MYG1: variants seen among roughly 807,000 people sequenced by gnomAD.
The protein encoded by MYG1 is UPF0160 protein MYG1, mitochondrial.
MYG1 carries 36 observed loss-of-function variants against 43.5 expected under a neutral mutation model. That is an observed-to-expected ratio of 0.83 (90% CI 0.63 to 1.09). The LOEUF is 1.09. Among genes scored for constraint, MYG1 ranks in the 50% least tolerant of loss-of-function variants. The pLI is 0.00. For synonymous variants in MYG1, 220 were observed against 202.8 expected (o/e 1.08, Z -0.72); for missense variants, 529 against 495.1 (o/e 1.07, Z -0.65).
intron 3 of MYG1, among the ~76,000 whole-genome samples, chr12:53,304,985 C>T (rs1944261905): frequency 6.6e-6 from 1 of 150,834 alleles, no homozygotes; most frequent in Non-Finnish European, 1.5e-5. Context: ...TGTCCTGCCT[C>T]AGCCTCCCAA....
chr12:53,301,081 G>A lies in MYG1; in HGVS notation c.329+819G>A, dbSNP rs909874723. ...ACTACAGGCACCCACCACCACACCC[G>A]GCTAATTTTTGTATTTTTAGTAGAG... On this transcript the variant is annotated intron_variant, in intron 2 of 6. Coordinates refer to ENST00000267103, the MANE Select transcript of MYG1 (RefSeq NM_021640.4). 1.8e-4 allele frequency among the ~76,000 whole-genome samples: 28 copies of A among 151,772 alleles called. 1 individual carries two copies. The highest frequency in any genetic ancestry group is 1.2e-3 in the East Asian group (6 of 5,180).
chr12:53,303,479 C>T (rs1944246272), intron 3 of MYG1: 1 of 332,952 alleles, frequency 3.0e-6, no homozygotes, highest in African/African-American at 2.1e-5. Context: ...CACACACAAA[C>T]AGCAATTGCT....
intron 2 of MYG1, among the ~76,000 whole-genome samples, 157 bp from the exon 3 acceptor site, chr12:53,302,877 A>T (rs1194702760): frequency 2.6e-5 from 4 of 152,120 alleles, no homozygotes; most frequent in Admixed American, 2.6e-4. Context: ...CCGGCAGATG[A>T]ATCTGAAAGC....
chr12:53,300,110 G>T, intron 1 of MYG1, 40 bp from the exon 2 acceptor site: 1 of 1,551,910 alleles, frequency 6.4e-7, no homozygotes, highest in Non-Finnish European at 8.8e-7. Context: ...CCCCTACCCG[G>T]CGACACCCGG....
intron 3 of MYG1, chr12:53,303,783 A>C (rs969036741): frequency 1.3e-5 from 2 of 152,350 alleles, no homozygotes; most frequent in African/African-American, 4.8e-5. Context: ...TACAAGTCAA[A>C]GCCCAGGTTC....
At chr12:53,300,624 T>C (rs937132019) in intron 2 of MYG1, among the ~76,000 whole-genome samples, 3 of 152,258 alleles carry the variant, frequency 2.0e-5, no homozygotes, top group Admixed American at 6.5e-5. Context: ...ATTGTGGCAG[T>C]TGGTGACAGT....
rs1592509527 is a variant in MYG1, at chr12:53,306,737, C to T, written c.823C>T (p.His275Tyr). The change falls in exon 6 of 7, where the codon CAT (histidine) becomes TAT (tyrosine). Residue 275 changes from histidine to tyrosine, a missense_variant. By Grantham distance (83) the His-to-Tyr change is moderately conservative. Coordinates refer to ENST00000267103, the MANE Select transcript of MYG1 (RefSeq NM_021640.4). ...GAAAGGTGCATGTCCCTGGAAGGAG[C>T]ATCTCTACCACCTGGAATCTGGGCT... ...LAKGACPWKE[H>Y]LYHLESGLSP... 6.2e-7 allele frequency: 1 copy of T among 1,614,214 alleles called. No homozygotes were observed. The highest frequency in any genetic ancestry group is 1.1e-5 in the South Asian group (1 of 91,084).
intron 5 of MYG1, 103 bp downstream of exon 5, chr12:53,306,423 A>C (rs1944282141): frequency 6.6e-7 from 1 of 1,516,732 alleles, no homozygotes; most frequent in South Asian, 1.2e-5. Context: ...AGTGGCAGAC[A>C]ACCTCAACCT....
rs1336503995 is a variant in MYG1, at chr12:53,307,105, C to A, written c.1087C>A (p.Arg363Ser). 5 of 1,613,934 alleles carry A rather than the reference C, an allele frequency of 3.1e-6. No individual in the cohort carries two copies. The highest frequency in any genetic ancestry group is 4.2e-6 in the Non-Finnish European group (5 of 1,179,866). ...HTREGALSMA[R>S]ATLAQRSYLP... ...CCGAGAGGGTGCCTTGAGCATGGCC[C>A]GTGCCACCTTGGCCCAGCGCTCATA... Residue 363 changes from arginine to serine, a missense_variant, in exon 7 of 7, where the codon CGT becomes AGT. Physicochemically the swap from Arg to Ser is moderately radical, Grantham distance 110. Coordinates refer to ENST00000267103, the MANE Select transcript of MYG1 (RefSeq NM_021640.4).
Position 53,307,077 on chromosome 12 carries a change from C to A in MYG1, c.1059C>A (p.His353Gln). 6.2e-7 allele frequency: 1 copy of A among 1,614,248 alleles called. No individual in the cohort carries two copies. The highest frequency in any genetic ancestry group is 8.5e-7 in the Non-Finnish European group (1 of 1,180,036). The stretch of plus-strand genomic sequence containing the variant: ...CAAGCGGCTTCACTGGCGGTCACCA[C>A]ACCCGAGAGGGTGCCTTGAGCATGG... ...VHASGFTGGH[H>Q]TREGALSMAR... Residue 353 changes from histidine (H) to glutamine (Q), a missense_variant, in exon 7 of 7, where the codon CAC (histidine) becomes CAA (glutamine). Transcript: ENST00000267103.
At chr12:53,305,079 G>A (rs368685850) in intron 3 of MYG1, among the ~76,000 whole-genome samples, 43 of 150,314 alleles carry the variant, frequency 2.9e-4, no homozygotes, top group Middle Eastern at 6.9e-3. Flanking sequence ...CGTTTTAGCC[G>A]GGATGGTCTC....
Position 53,299,711 on chromosome 12 carries a change from C to T in MYG1, c.-27C>T, listed in dbSNP as rs577942538. ...TGGCGCTTCCTCTTCCGGGTCGGCG[C>T]TCCTGCCTCCCTGCAGGGAGCTGCT... On this transcript the variant is annotated 5_prime_UTR_variant, in exon 1 of 7. Coordinates refer to ENST00000267103, the MANE Select transcript of MYG1 (RefSeq NM_021640.4). 2.5e-6 allele frequency: 4 copies of T among 1,588,548 alleles called. No homozygotes were observed. The highest frequency in any genetic ancestry group is 2.7e-5 in the African/African-American group (2 of 74,320).
In MYG1 at chr12:53,300,645, G is replaced by T. The variant is rs554674831; in HGVS notation, c.329+383G>T. On this transcript the variant is annotated intron_variant, in intron 2 of 6. Coordinates refer to ENST00000267103, the MANE Select transcript of MYG1 (RefSeq NM_021640.4). ...GCAGTTGGTGACAGTTCAGATGTGT[G>T]AAGTTTTCTACTTCATTTACACCCT... 7.2e-5 allele frequency among the ~76,000 whole-genome samples: 11 copies of T among 152,324 alleles called. No homozygotes were observed. In the South Asian group the frequency reaches 2.3e-3, roughly 32 times the overall value.
chr12:53,301,785 T>C (rs1354188488), intron 2 of MYG1, among the ~76,000 whole-genome samples: 1 of 151,228 alleles, frequency 6.6e-6, no homozygotes, highest in African/African-American at 2.4e-5. Context: ...GTCTGCTGGG[T>C]TCAAGTGATT....
rs761624531 is a variant in MYG1, at chr12:53,306,010, C to G, written c.592C>G (p.Arg198Gly). 2 of 1,614,068 alleles carry G rather than the reference C, an allele frequency of 1.2e-6. No homozygotes were observed. The highest frequency in any genetic ancestry group is 4.5e-5 in the East Asian group (2 of 44,886). ...TGCACTGACCACTACCCTGAGTGCA[C>G]GAGTTGCTCGACTTAATCCTACCTG... ...RYALTTTLSA[R>G]VARLNPTWNH... Residue 198 changes from arginine to glycine, a missense_variant, in exon 4 of 7, where the codon CGA becomes GGA. By Grantham distance (125) the Arg-to-Gly change is moderately radical. Transcript: ENST00000267103.
chr12:53,303,142 G>C lies in MYG1; in HGVS notation c.438G>C (p.Gln146His). Reference sequence around the variant, plus strand: ...ACTTCGGGCACAAGCTGCTGGCCCAGTTGCTGGGCACTAGTGAAGAGGACA... The same window carrying C: ...ACTTCGGGCACAAGCTGCTGGCCCACTTGCTGGGCACTAGTGAAGAGGACA... ...YLHFGHKLLA[Q>H]LLGTSEEDSM... is the part of the protein sequence containing the mutation. The change falls in exon 3 of 7, where the codon CAG (glutamine) becomes CAC (histidine). Residue 146 changes from glutamine (Q) to histidine (H), a missense_variant. Transcript: ENST00000267103. The C allele has an allele frequency of 1.9e-6, 3 of 1,614,228 alleles. No homozygotes were observed.
intron 2 of MYG1, 42 bp downstream of exon 2, chr12:53,300,304 G>A: frequency 1.4e-6 from 2 of 1,419,720 alleles, no homozygotes; most frequent in Non-Finnish European, 1.9e-6. Flanking sequence ...CTTGACCTCA[G>A]CTTTCCTCTG....
intron 3 of MYG1, 80 bp from the exon 4 acceptor site, chr12:53,305,828 T>C: frequency 6.7e-7 from 1 of 1,500,764 alleles, no homozygotes; most frequent in Non-Finnish European, 8.9e-7. Context: ...AAAGAGTGTG[T>C]ATGAACATAC....
chr12:53,302,893 CAGT>C (rs1383313824), intron 2 of MYG1, 138 bp from the exon 3 acceptor site: 71 of 978,916 alleles, frequency 7.3e-5, no homozygotes, highest in Non-Finnish European at 1.0e-4. Context: ...AAAGCAAGGA[CAGT>C]GTCTTGGTTT....
Sources: allele counts gnomAD v4.1 joint callset (sites outside exome capture counted in the v4.1 genomes callset), GRCh38; gene constraint gnomAD v4.1.1; transcripts MANE v1.5; gene names NCBI Gene and HGNC (gene_info 2026-07-23, HGNC 2026-07-21).